TOGARAM1: variants seen among roughly 807,000 people sequenced by gnomAD.
TOGARAM1 encodes the protein TOG array regulator of axonemal microtubules 1.
TOGARAM1 carries 100 observed loss-of-function variants against 166.6 expected under a neutral mutation model. The ratio of observed to expected loss-of-function variants is 0.60; its 90% CI spans 0.51 to 0.71. The LOEUF is 0.71. Ranked by LOEUF, TOGARAM1 falls within the 30% of genes least tolerant of loss-of-function variation. TOGARAM1 has a pLI of 0.00. For synonymous variants in TOGARAM1, 758 were observed against 763.8 expected (o/e 0.99, Z 0.13); for missense variants, 2,029 against 2,102.7 (o/e 0.96, Z 0.69).
intron 16 of TOGARAM1, among the ~76,000 whole-genome samples, chr14:45,055,625 A>T (rs1276101230): frequency 6.6e-6 from 1 of 151,938 alleles, no homozygotes; most frequent in Non-Finnish European, 1.5e-5. Context: ...CAACGTAGTG[A>T]AACCCCGTCT....
intron 5 of TOGARAM1, chr14:45,006,927 G>A (rs1879476282): frequency 1.3e-5 from 2 of 151,996 alleles, no homozygotes; most frequent in South Asian, 4.1e-4. Context: ...ATCACTTTGT[G>A]CTATAAAAAT....
Position 44,962,658 on chromosome 14 carries a change from A to AGTC in TOGARAM1, c.237_238insGTC (p.Ser79_Ser80insVal). 6.2e-7 allele frequency: 1 copy of AGTC among 1,614,114 alleles called. No homozygotes were observed. Among genetic ancestry groups the AGTC allele is most frequent in the Non-Finnish European group, 8.5e-7 (1 of 1,180,002 alleles). ...TCTTGATGCCCTCGGAGGCAGTCTCAAGCAGCTGGTCTGAGTCTGGAGGCG... is the reference window on the plus strand; with the variant it reads ...TCTTGATGCCCTCGGAGGCAGTCTCAGTCAGCAGCTGGTCTGAGTCTGGAGGCG... On this transcript the variant is annotated inframe_insertion, in exon 1 of 20. Transcript: ENST00000361462.
chr14:45,013,797 G>T (rs561113032), intron 7 of TOGARAM1, among the ~76,000 whole-genome samples: 6 of 152,146 alleles, frequency 3.9e-5, no homozygotes, highest in Admixed American at 6.5e-5. Context: ...AATTTTTCAA[G>T]TATTTCTGTA....
chr14:45,000,438 A>T (rs1170987921), intron 3 of TOGARAM1, among the ~76,000 whole-genome samples: 1 of 152,142 alleles, frequency 6.6e-6, no homozygotes, highest in Non-Finnish European at 1.5e-5. Flanking sequence ...CCCACATAGC[A>T]GTGAGAACAT....
At chr14:45,010,054 G>A (rs1305168408) in intron 6 of TOGARAM1, among the ~76,000 whole-genome samples, 1 of 151,794 alleles carries the variant, frequency 6.6e-6, no homozygotes, top group African/African-American at 2.4e-5. Flanking sequence ...TTTTTCCTTT[G>A]ATTTAATCCT....
chr14:44,994,252 A>G (rs1887301024), intron 1 of TOGARAM1, among the ~76,000 whole-genome samples: 1 of 152,002 alleles, frequency 6.6e-6, no homozygotes. Flanking sequence ...CCGAGTAGCT[A>G]GGACTACAGG....
At chr14:45,008,825 A>T in intron 5 of TOGARAM1, 88 bp from the exon 6 acceptor site, 1 of 892,950 alleles carries the variant, frequency 1.1e-6, no homozygotes. Context: ...TTAGCTAGGT[A>T]TAGCTAATGG....
chr14:44,962,215 T>G lies in TOGARAM1; in HGVS notation c.-207T>G. The G allele has an allele frequency of 5.8e-6, 3 of 518,316 alleles. No individual in the cohort carries two copies. The highest frequency in any genetic ancestry group is 6.6e-6 in the Non-Finnish European group (2 of 301,028). The allele number at this position is 518,316 out of a possible 1,614,324, so 32.1% of individuals were successfully genotyped here. Reference sequence around the variant, plus strand: ...ACGTGGTGCCCTTGGTTACGCCCGGTGGCAGCTGTGGGGTCTAGGGCTCAG... The same window carrying G: ...ACGTGGTGCCCTTGGTTACGCCCGGGGGCAGCTGTGGGGTCTAGGGCTCAG... On this transcript the variant is annotated 5_prime_UTR_variant, in exon 1 of 20. Coordinates refer to ENST00000361462, the MANE Select transcript of TOGARAM1 (RefSeq NM_001308120.2).
At chr14:44,977,231 CTT>C (rs397707333) in intron 1 of TOGARAM1, among the ~76,000 whole-genome samples, 8 of 123,302 alleles carry the variant, frequency 6.5e-5, no homozygotes, top group African/African-American at 9.1e-5. Flanking sequence ...ATTAGACAGA[CTT>C]TTTTTTTTTT....
chr14:44,985,345 T>C (rs1293733598), intron 1 of TOGARAM1, among the ~76,000 whole-genome samples: 2 of 152,164 alleles, frequency 1.3e-5, no homozygotes, highest in Non-Finnish European at 2.9e-5. Flanking sequence ...AAAATAAGCA[T>C]GTGTGTTAAC....
chr14:45,054,715 A>G (rs532655223), intron 16 of TOGARAM1, among the ~76,000 whole-genome samples, 166 bp downstream of exon 16: 1 of 152,308 alleles, frequency 6.6e-6, no homozygotes, highest in East Asian at 1.9e-4. Context: ...TAATAAGGCA[A>G]TTATATATTT....
chr14:45,006,029 C>T lies in TOGARAM1; in HGVS notation c.2666C>T (p.Pro889Leu). ...RNHGENSQEK[P>L]PVQLTPALVR... ...GCAGGAGAAAATTCTCAAGAAAAAC[C>T]TCCAGTTCAGCTTACACCTGCCTTG... Residue 889 changes from proline (P) to leucine (L), a missense_variant, in exon 5 of 20, where the codon CCT becomes CTT. Pro to Leu is a moderately conservative substitution (Grantham distance 98). This residue lies in a region of TOGARAM1 where 1,453 missense variants were observed against 1,432.2 expected (regional missense o/e 1.01). Coordinates refer to ENST00000361462, the MANE Select transcript of TOGARAM1 (RefSeq NM_001308120.2). 1 of 1,557,802 alleles carries T rather than the reference C, an allele frequency of 6.4e-7. No homozygotes were observed. Among genetic ancestry groups the T allele is most frequent in the South Asian group, 1.2e-5 (1 of 81,192 alleles).
chr14:45,047,540 G>GAAA (rs1487621123), intron 14 of TOGARAM1, among the ~76,000 whole-genome samples: 2 of 152,118 alleles, frequency 1.3e-5, no homozygotes, highest in Non-Finnish European at 2.9e-5. Flanking sequence ...AACAGTCAGA[G>GAAA]AAAAACAACA....
At chr14:45,049,999 C>T (rs1286377844) in intron 14 of TOGARAM1, among the ~76,000 whole-genome samples, 1 of 152,000 alleles carries the variant, frequency 6.6e-6, no homozygotes, top group Non-Finnish European at 1.5e-5. Flanking sequence ...TTGTATTTCT[C>T]ACATTTTGTG....
intron 1 of TOGARAM1, among the ~76,000 whole-genome samples, chr14:44,989,760 C>T (rs1404959081): frequency 1.3e-5 from 2 of 152,164 alleles, no homozygotes; most frequent in African/African-American, 4.8e-5. Context: ...CTCACTACCT[C>T]AGTACCAATA....
chr14:44,974,443 T>C (rs1009834649), intron 1 of TOGARAM1, among the ~76,000 whole-genome samples: 9 of 152,174 alleles, frequency 5.9e-5, no homozygotes, highest in Admixed American at 2.6e-4. Flanking sequence ...GTATATTAAT[T>C]ATAGTTTTAG....
chr14:44,964,052 G>A lies in TOGARAM1; in HGVS notation c.1631G>A (p.Gly544Asp), dbSNP rs1441368024. The A allele has an allele frequency of 6.2e-7, 1 of 1,614,132 alleles. No homozygotes were observed. The highest frequency in any genetic ancestry group is 8.5e-7 in the Non-Finnish European group (1 of 1,179,960). The change falls in exon 1 of 20, where the codon GGT (glycine) becomes GAT (aspartate). Residue 544 changes from glycine to aspartate, a missense_variant. This residue lies in a region of TOGARAM1 where 1,453 missense variants were observed against 1,432.2 expected (regional missense o/e 1.01). Transcript: ENST00000361462. ...GTATTGGCATCATCAATGGGCTCAGGTAAAACCAGCATCCTTTTTAAAGCT... is the reference window on the plus strand; with the variant it reads ...GTATTGGCATCATCAATGGGCTCAGATAAAACCAGCATCCTTTTTAAAGCT... ...FAVLASSMGS[G>D]KTSILFKAVD...
At chr14:45,056,838 C>T (rs180950629) in intron 16 of TOGARAM1, among the ~76,000 whole-genome samples, 391 of 152,020 alleles carry the variant, frequency 2.6e-3, no homozygotes, top group African/African-American at 8.9e-3. Context: ...TGTGTCTTTG[C>T]CTTGTTTTGG....
chr14:45,044,891 G>C, intron 13 of TOGARAM1, 21 bp downstream of exon 13: 1 of 1,552,472 alleles, frequency 6.4e-7, no homozygotes, highest in Non-Finnish European at 8.8e-7. Context: ...AAATAACCTT[G>C]AAATGTCTTT....
Sources: allele counts gnomAD v4.1 joint callset (sites outside exome capture counted in the v4.1 genomes callset), GRCh38; gene constraint gnomAD v4.1.1; regional missense constraint gnomAD v4.1.1; transcripts MANE v1.5; gene names NCBI Gene and HGNC (gene_info 2026-07-23, HGNC 2026-07-21).